The following POU3F2 variants were observed in gnomAD, a reference collection of about 807,000 sequenced individuals.
POU3F2 encodes the protein POU class 3 homeobox 2.
A neutral mutation model predicts 33.1 loss-of-function variants in POU3F2; 11 were observed. The observed-to-expected ratio is 0.33, with a 90% CI of 0.21 to 0.55. The LOEUF (loss-of-function observed/expected upper bound fraction) is 0.55. Among genes scored for constraint, POU3F2 ranks in the 20% least tolerant of loss-of-function variants. The pLI is 0.91. For missense variants in POU3F2, 456 were observed against 620.2 expected (o/e 0.74, Z 2.81); for synonymous variants, 332 against 289.6 (o/e 1.15, Z -1.49).
rs1770041610 is a variant in POU3F2 at position 98,839,332 on chromosome 6, T to TTAA, written c.*3132_*3134dup. 2.0e-5 allele frequency: 3 copies of TTAA among 152,218 alleles called. No individual in the cohort carries two copies. Among genetic ancestry groups the TTAA allele is most frequent in the Non-Finnish European group, 4.4e-5 (3 of 68,042 alleles). 9.4% of individuals were successfully genotyped at this position (152,218 alleles called of 1,614,324 possible). ...AGCAGGATTTAGTAGATTATTATTT[T>TTAA]TAATAATTTACAAATATCTCTTAAC... On this transcript the variant is annotated 3_prime_UTR_variant, in exon 1 of 1. Transcript: ENST00000328345.
chr6:98,836,974 T>C lies in POU3F2; in HGVS notation c.*769T>C, dbSNP rs1373786903. The C allele has an allele frequency of 6.0e-6, 1 of 167,126 alleles. No individual in the cohort carries two copies. Among genetic ancestry groups the C allele is most frequent in the Non-Finnish European group, 1.5e-5 (1 of 68,124 alleles). The allele number at this position is 167,126 out of a possible 1,614,324, so 10.4% of individuals were successfully genotyped here. On this transcript the variant is annotated 3_prime_UTR_variant, in exon 1 of 1. Transcript: ENST00000328345. ...CTTACGAGGGTGTAACATCTATTTG[T>C]TCCTCTTACCAAAGCAAAAGGATTG...
At position 98,835,785 on chromosome 6, in the gene POU3F2, G is replaced by T; in HGVS notation, c.912G>T (p.Ser304=). 6.2e-7 allele frequency: 1 copy of T among 1,614,174 alleles called. No individual in the cohort carries two copies. Among genetic ancestry groups the T allele is most frequent in the Admixed American group, 1.7e-5 (1 of 60,034 alleles). The change falls in exon 1 of 1, where the codon TCG becomes TCT. Residue 304 remains serine, a synonymous_variant. Transcript: ENST00000328345. The surrounding 1 kb of genome is among the most constrained non-coding windows in gnomAD (Gnocchi z 9.7). ...ALGTLYGNVF[S]QTTICRFEAL... ...GCACCCTGTATGGCAACGTGTTCTCGCAGACCACCATCTGCAGGTTTGAGG... is the reference window on the plus strand; with the variant it reads ...GCACCCTGTATGGCAACGTGTTCTCTCAGACCACCATCTGCAGGTTTGAGG...
In POU3F2 at chr6:98,839,336, T is replaced by A. The variant is rs1770041644; in HGVS notation, c.*3131T>A. On this transcript the variant is annotated 3_prime_UTR_variant, in exon 1 of 1. Transcript: ENST00000328345. ...GGATTTAGTAGATTATTATTTTTAA[T>A]AATTTACAAATATCTCTTAACAAAG... 1 of 152,226 alleles carries A rather than the reference T, an allele frequency of 6.6e-6. No individual in the cohort carries two copies. The highest frequency in any genetic ancestry group is 1.5e-5 in the Non-Finnish European group (1 of 68,040). The allele number at this position is 152,226 out of a possible 1,614,324, so 9.4% of individuals were successfully genotyped here. A position where few individuals can be genotyped will look rare whatever the true frequency, so the allele number is the denominator to read the frequency against.
chr6:98,835,394 C>T lies in POU3F2; in HGVS notation c.521C>T (p.Ala174Val). 6.3e-7 allele frequency: 1 copy of T among 1,575,356 alleles called. No individual in the cohort carries two copies. The highest frequency in any genetic ancestry group is 8.6e-7 in the Non-Finnish European group (1 of 1,164,062). The change falls in exon 1 of 1, where the codon GCA becomes GTA. Residue 174 changes from alanine (A) to valine (V), a missense_variant. By Grantham distance (64) the Ala-to-Val change is moderately conservative (BLOSUM62 0). Coordinates refer to ENST00000328345, the MANE Select transcript of POU3F2 (RefSeq NM_005604.4). This position sits in a 1 kb window ranked among gnomAD's most constrained non-coding sequence, Gnocchi z 9.7. ...GPGAWRSAAA[A>V]AHLPPSMGAS... ...GGGGCATGGCGGAGCGCGGCGGCTG[C>T]AGCGCACCTCCCACCCTCCATGGGA...
chr6:98,838,421 T>G lies in POU3F2; in HGVS notation c.*2216T>G, dbSNP rs550416789. 1 of 167,192 alleles carries G rather than the reference T, an allele frequency of 6.0e-6. No individual in the cohort carries two copies. The highest frequency in any genetic ancestry group is 1.5e-5 in the Non-Finnish European group (1 of 68,118). The allele number at this position is 167,192 out of a possible 1,614,324, so 10.4% of individuals were successfully genotyped here. A position where few individuals can be genotyped will look rare whatever the true frequency, so the allele number is the denominator to read the frequency against. Reference sequence around the variant, plus strand: ...CTAAGATGAAAGTTACCACTGAACCTTACCACTATGTATATATGTTTAATA... The same window carrying G: ...CTAAGATGAAAGTTACCACTGAACCGTACCACTATGTATATATGTTTAATA... On this transcript the variant is annotated 3_prime_UTR_variant, in exon 1 of 1. Transcript: ENST00000328345.
chr6:98,835,285 C>A lies in POU3F2; in HGVS notation c.412C>A (p.Gln138Lys), dbSNP rs879422177. 1.9e-6 allele frequency: 3 copies of A among 1,545,446 alleles called. No individual in the cohort carries two copies. Among genetic ancestry groups the A allele is most frequent in the East Asian group, 2.5e-5 (1 of 40,532 alleles). Residue 138 changes from glutamine (Q) to lysine (K), a missense_variant, in exon 1 of 1, where the codon CAA becomes AAA. This residue lies in a region of POU3F2 where 341 missense variants were observed against 382.4 expected (regional missense o/e 0.89). Coordinates refer to ENST00000328345, the MANE Select transcript of POU3F2 (RefSeq NM_005604.4). This position sits in a 1 kb window ranked among gnomAD's most constrained non-coding sequence, Gnocchi z 9.7. ...HQQQQQQQQQ[Q>K]QQQQQQQQQQ... ...GCAGCAGCAACAGCAACAGCAGCAGCAACAGCAGCAACAGCAGCAGCAGCA... is the reference window on the plus strand; with the variant it reads ...GCAGCAGCAACAGCAACAGCAGCAGAAACAGCAGCAACAGCAGCAGCAGCA...
At position 98,837,571 on chromosome 6, in the gene POU3F2, A is replaced by T. The variant is rs901716266; in HGVS notation, c.*1366A>T. The T allele has an allele frequency of 1.8e-5, 3 of 166,994 alleles. No individual in the cohort carries two copies. The highest frequency in any genetic ancestry group is 7.2e-5 in the African/African-American group (3 of 41,410). 10.3% of individuals were successfully genotyped at this position (166,994 alleles called of 1,614,324 possible). On this transcript the variant is annotated 3_prime_UTR_variant, in exon 1 of 1. Transcript: ENST00000328345. ...GTCTTCACTAGCTCATTTGTTTATC[A>T]AGTCATATTTAGGGTCCCACACCCT...
At position 98,835,897 on chromosome 6, in the gene POU3F2, C is replaced by A. The variant is rs1446899556; in HGVS notation, c.1024C>A (p.Pro342Thr). ...GGAGGCGGACTCGTCCTCGGGCAGC[C>A]CCACGAGCATAGACAAGATCGCAGC... is the stretch of plus-strand genomic sequence containing the variant. ...LEEADSSSGS[P>T]TSIDKIAAQG... Residue 342 changes from proline to threonine, a missense_variant, in exon 1 of 1, where the codon CCC becomes ACC. Around this residue, in one of 6 missense-constraint regions of POU3F2, gnomAD observed 48 missense variants for 96.0 expected, o/e 0.50. Coordinates refer to ENST00000328345, the MANE Select transcript of POU3F2 (RefSeq NM_005604.4). This position sits in a 1 kb window ranked among gnomAD's most constrained non-coding sequence, Gnocchi z 9.7. 1 of 1,614,164 alleles carries A rather than the reference C, an allele frequency of 6.2e-7. No homozygotes were observed. Among genetic ancestry groups the A allele is most frequent in the African/African-American group, 1.3e-5 (1 of 75,050 alleles).
rs1436906107 is a variant in POU3F2, at chr6:98,834,987, G to A, written c.114G>A (p.Gln38=). The change falls in exon 1 of 1, where the codon CAG becomes CAA. Residue 38 remains glutamine (Q), a synonymous_variant. Coordinates refer to ENST00000328345, the MANE Select transcript of POU3F2 (RefSeq NM_005604.4). The stretch of plus-strand genomic sequence containing the variant: ...GCGCGGGGGGCTACCGCGAAGCGCA[G>A]AGCCTGGTGCAGGGCGACTACGGCG... ...QQGAGGYREA[Q]SLVQGDYGAL... is the part of the protein sequence containing the mutation. The A allele has an allele frequency of 6.3e-7, 1 of 1,598,216 alleles. No homozygotes were observed.
At position 98,835,093 on chromosome 6, in the gene POU3F2, G is replaced by A. The variant is rs1769973553; in HGVS notation, c.220G>A (p.Gly74Ser). Residue 74 changes from glycine to serine, a missense_variant, in exon 1 of 1, where the codon GGT becomes AGT. Gly to Ser is a moderately conservative substitution (Grantham distance 56, BLOSUM62 0). Transcript: ENST00000328345. The surrounding 1 kb of genome is among the most constrained non-coding windows in gnomAD (Gnocchi z 9.7). ...ALSHGGGGGG[G>S]GGGGGGGGGG... is the part of the protein sequence containing the mutation. ...GTCCCACGGCGGCGGCGGCGGGGGCGGTGGCGGCGGCGGGGGGGGCGGGGG... is the reference window on the plus strand; with the variant it reads ...GTCCCACGGCGGCGGCGGCGGGGGCAGTGGCGGCGGCGGGGGGGGCGGGGG... 3 of 1,216,292 alleles carry A rather than the reference G, an allele frequency of 2.5e-6. No homozygotes were observed. The highest frequency in any genetic ancestry group is 4.4e-5 in the Admixed American group (1 of 22,914). The allele number at this position is 1,216,292 out of a possible 1,614,324, so 75.3% of individuals were successfully genotyped here.
At position 98,836,278 on chromosome 6, in the gene POU3F2, T is replaced by A; in HGVS notation, c.*73T>A. On this transcript the variant is annotated 3_prime_UTR_variant, in exon 1 of 1. Coordinates refer to ENST00000328345, the MANE Select transcript of POU3F2 (RefSeq NM_005604.4). ...GTCCTTGGCCCTTTCCCGGCCCTCT[T>A]GTTCCCTCTCTAACTTCTGATTGTT... The A allele has an allele frequency of 6.9e-7, 1 of 1,449,124 alleles. No individual in the cohort carries two copies. Among genetic ancestry groups the A allele is most frequent in the Non-Finnish European group, 9.2e-7 (1 of 1,091,540 alleles). 89.8% of individuals were successfully genotyped at this position (1,449,124 alleles called of 1,614,324 possible). A position where few individuals can be genotyped will look rare whatever the true frequency, so the allele number is the denominator to read the frequency against.
In POU3F2 at chr6:98,835,278, GCAGCAGCAACAGCAGCAA is replaced by G. The variant is rs747712762; in HGVS notation, c.414_431del (p.Gln144_Gln149del). 3.9e-6 allele frequency: 6 copies of G among 1,545,700 alleles called. No homozygotes were observed. The highest frequency in any genetic ancestry group is 5.2e-6 in the Non-Finnish European group (6 of 1,145,182). On this transcript the variant is annotated inframe_deletion, in exon 1 of 1. Coordinates refer to ENST00000328345, the MANE Select transcript of POU3F2 (RefSeq NM_005604.4). This position sits in a 1 kb window ranked among gnomAD's most constrained non-coding sequence, Gnocchi z 9.7. ...AGCATCAGCAGCAGCAACAGCAACA[GCAGCAGCAACAGCAGCAA>G]CAGCAGCAGCAGCAGCAGCAACAGC...
At position 98,834,779 on chromosome 6, in the gene POU3F2, G is replaced by A. The variant is rs1769966125; in HGVS notation, c.-95G>A. ...CCCGCTGTGGGAGAGAGAGGAGACA[G>A]AAAGAGCGAGCGAGGAGAGGGAGCC... On this transcript the variant is annotated 5_prime_UTR_variant, in exon 1 of 1. Coordinates refer to ENST00000328345, the MANE Select transcript of POU3F2 (RefSeq NM_005604.4). 2.9e-6 allele frequency: 4 copies of A among 1,383,292 alleles called. No homozygotes were observed. Among genetic ancestry groups the A allele is most frequent in the Non-Finnish European group, 3.9e-6 (4 of 1,023,966 alleles). 85.7% of individuals were successfully genotyped at this position (1,383,292 alleles called of 1,614,324 possible).
Position 98,836,380 on chromosome 6 carries a change from C to A in POU3F2, c.*175C>A. ...AGGCAAAAGGAAAGCAACTAAGACA[C>A]TGGACTATCCTTTAAAGGTAGCAGG... On this transcript the variant is annotated 3_prime_UTR_variant, in exon 1 of 1. Transcript: ENST00000328345. 1.3e-6 allele frequency: 1 copy of A among 780,120 alleles called. No individual in the cohort carries two copies. The highest frequency in any genetic ancestry group is 2.3e-5 in the South Asian group (1 of 42,592). The allele number at this position is 780,120 out of a possible 1,614,324, so 48.3% of individuals were successfully genotyped here.
At position 98,836,765 on chromosome 6, in the gene POU3F2, A is replaced by G. The variant is rs1770004807; in HGVS notation, c.*560A>G. 1 of 167,036 alleles carries G rather than the reference A, an allele frequency of 6.0e-6. No homozygotes were observed. The highest frequency in any genetic ancestry group is 1.5e-5 in the Non-Finnish European group (1 of 68,138). 10.3% of individuals were successfully genotyped at this position (167,036 alleles called of 1,614,324 possible). On this transcript the variant is annotated 3_prime_UTR_variant, in exon 1 of 1. Coordinates refer to ENST00000328345, the MANE Select transcript of POU3F2 (RefSeq NM_005604.4). Reference sequence around the variant, plus strand: ...AATTGAAGTTTACGTGAACAAATTCATGAGCATATTTTCTCTTTCTCCCCA... The same window carrying G: ...AATTGAAGTTTACGTGAACAAATTCGTGAGCATATTTTCTCTTTCTCCCCA...
At position 98,834,962 on chromosome 6, in the gene POU3F2, G is replaced by A. The variant is rs1246274412; in HGVS notation, c.89G>A (p.Gly30Asp). 6.3e-7 allele frequency: 1 copy of A among 1,599,424 alleles called. No individual in the cohort carries two copies. Among genetic ancestry groups the A allele is most frequent in the Non-Finnish European group, 8.5e-7 (1 of 1,179,014 alleles). The change falls in exon 1 of 1, where the codon GGC becomes GAC. Residue 30 changes from glycine to aspartate, a missense_variant. By Grantham distance (94) the Gly-to-Asp change is moderately conservative (BLOSUM62 -1). This residue lies in a region of POU3F2 where 341 missense variants were observed against 382.4 expected (regional missense o/e 0.89). Coordinates refer to ENST00000328345, the MANE Select transcript of POU3F2 (RefSeq NM_005604.4). ...GAGCCGCCCGGCGGCATGCAGCAGG[G>A]CGCGGGGGGCTACCGCGAAGCGCAG... Reference protein sequence around the residue: ...HAEPPGGMQQGAGGYREAQSL... With the variant: ...HAEPPGGMQQDAGGYREAQSL...
chr6:98,837,977 A>G lies in POU3F2; in HGVS notation c.*1772A>G, dbSNP rs1041629757. 9.6e-5 allele frequency: 16 copies of G among 166,874 alleles called. No individual in the cohort carries two copies. The highest frequency in any genetic ancestry group is 3.6e-4 in the African/African-American group (15 of 41,466). 10.3% of individuals were successfully genotyped at this position (166,874 alleles called of 1,614,324 possible). ...TAGGTATTAGATAAATTTTTATTTT[A>G]AAAAATGAAAGTCTCACTACCATAA... is the stretch of plus-strand genomic sequence containing the variant. On this transcript the variant is annotated 3_prime_UTR_variant, in exon 1 of 1. Transcript: ENST00000328345.
rs748734621 is a variant in POU3F2, at chr6:98,835,428, C to A, written c.555C>A (p.Asn185Lys). The change falls in exon 1 of 1, where the codon AAC (asparagine) becomes AAA (lysine). Residue 185 changes from asparagine to lysine, a missense_variant. By Grantham distance (94) the Asn-to-Lys change is moderately conservative. Transcript: ENST00000328345. This position sits in a 1 kb window ranked among gnomAD's most constrained non-coding sequence, Gnocchi z 9.7. The part of the protein sequence containing the change: ...AHLPPSMGAS[N>K]GGLLYSQPSF... ...TCCCACCCTCCATGGGAGCGTCCAACGGCGGCTTGCTCTACTCGCAGCCCA... is the reference window on the plus strand; with the variant it reads ...TCCCACCCTCCATGGGAGCGTCCAAAGGCGGCTTGCTCTACTCGCAGCCCA... 6.3e-7 allele frequency: 1 copy of A among 1,587,758 alleles called. No individual in the cohort carries two copies. Among genetic ancestry groups the A allele is most frequent in the Non-Finnish European group, 8.5e-7 (1 of 1,171,654 alleles).
chr6:98,835,380 G>T lies in POU3F2; in HGVS notation c.507G>T (p.Arg169=), dbSNP rs1460469280. The T allele has an allele frequency of 1.9e-6, 3 of 1,565,466 alleles. No homozygotes were observed. Among genetic ancestry groups the T allele is most frequent in the South Asian group, 2.3e-5 (2 of 85,142 alleles). Residue 169 remains arginine (R), a synonymous_variant, in exon 1 of 1, where the codon CGG becomes CGT. Coordinates refer to ENST00000328345, the MANE Select transcript of POU3F2 (RefSeq NM_005604.4). This position sits in a 1 kb window ranked among gnomAD's most constrained non-coding sequence, Gnocchi z 9.7. ...ANHHPGPGAW[R]SAAAAAHLPP... Reference sequence around the variant, plus strand: ...ACCACCCGGGACCCGGGGCATGGCGGAGCGCGGCGGCTGCAGCGCACCTCC... The same window carrying T: ...ACCACCCGGGACCCGGGGCATGGCGTAGCGCGGCGGCTGCAGCGCACCTCC...
Sources: gnomAD v4.1 joint callset for allele counts on GRCh38, gnomAD v4.1.1 for gene constraint, gnomAD v4.1.1 regional missense constraint, Gnocchi (gnomAD v3.1) non-coding constraint, MANE v1.5 for transcripts, NCBI Gene and HGNC (gene_info 2026-07-23, HGNC 2026-07-21) for gene names.